RNF150: variants seen among roughly 807,000 people sequenced by gnomAD.
RNF150 encodes ring finger protein 150.
Under a neutral mutation model 39.3 loss-of-function variants are expected in RNF150, and 24 were observed. The observed-to-expected ratio is 0.61, with a 90% CI of 0.44 to 0.86. The LOEUF (loss-of-function observed/expected upper bound fraction) is 0.86. Ranked by LOEUF, RNF150 falls within the 40% of genes least tolerant of loss-of-function variation. RNF150 has a pLI of 0.00. For missense variants in RNF150, 502 were observed against 587.8 expected (o/e 0.85, Z 1.51); for synonymous variants, 255 against 227.3 (o/e 1.12, Z -1.10).
At chr4:140,918,078 A>T (rs900035563) in intron 5 of RNF150, among the ~76,000 whole-genome samples, 3 of 152,158 alleles carry the variant, frequency 2.0e-5, no homozygotes, top group Non-Finnish European at 2.9e-5. Context: ...AAATGCCCAC[A>T]AGAGAAAGCA....
chr4:141,157,223 C>A (rs1185436857), intron 1 of RNF150, among the ~76,000 whole-genome samples: 4 of 152,074 alleles, frequency 2.6e-5, no homozygotes, highest in Admixed American at 1.3e-4. Flanking sequence ...TCTCCCCCCC[C>A]AAAAATGTAG....
At chr4:141,142,244 T>A (rs543342837) in intron 1 of RNF150, among the ~76,000 whole-genome samples, 12 of 152,190 alleles carry the variant, frequency 7.9e-5, no homozygotes, top group Admixed American at 1.3e-4. Context: ...CATCTACTTT[T>A]ACCCCAATGT....
intron 1 of RNF150, among the ~76,000 whole-genome samples, chr4:141,146,615 A>G (rs354941): frequency 0.69 from 105,604 of 152,002 alleles, 38,581 homozygotes; most frequent in East Asian, 0.97. Context: ...CCATAATTGA[A>G]GAGTTTAAAA....
intron 1 of RNF150, among the ~76,000 whole-genome samples, chr4:140,984,816 CCTCA>C (rs939954935): frequency 5.9e-5 from 9 of 152,172 alleles, no homozygotes; most frequent in Non-Finnish European, 1.0e-4. Flanking sequence ...CAGTTTCCTC[CCTCA>C]CTGTGCTAGT....
chr4:140,893,206 C>T (rs1272770016), intron 6 of RNF150, among the ~76,000 whole-genome samples: 1 of 149,520 alleles, frequency 6.7e-6, no homozygotes, highest in South Asian at 2.2e-4. Flanking sequence ...ATATTCCACC[C>T]ATGGATGTTT....
chr4:140,926,453 T>C (rs1230561806), intron 4 of RNF150, among the ~76,000 whole-genome samples: 3 of 152,168 alleles, frequency 2.0e-5, no homozygotes, highest in Admixed American at 1.3e-4. Context: ...ATATGCAGAA[T>C]TTCTTTTCCC....
chr4:140,895,103 C>T (rs1173486922), intron 6 of RNF150, among the ~76,000 whole-genome samples: 1 of 152,150 alleles, frequency 6.6e-6, no homozygotes, highest in African/African-American at 2.4e-5. Flanking sequence ...TCCCAGGTCC[C>T]CTTTGGTTTT....
chr4:141,171,898 G>A (rs1187012729), intron 1 of RNF150, among the ~76,000 whole-genome samples: 1 of 152,180 alleles, frequency 6.6e-6, no homozygotes, highest in Non-Finnish European at 1.5e-5. Flanking sequence ...CATCGTGCCT[G>A]TCATACCTAG....
chr4:140,931,528 G>A (rs6537022), intron 4 of RNF150, among the ~76,000 whole-genome samples: 10,651 of 152,264 alleles, frequency 0.07, 414 homozygotes, highest in Middle Eastern at 0.11. Context: ...CTGGAGTTGA[G>A]TGAAATGCAC....
chr4:141,022,541 T>C (rs1735534529), intron 1 of RNF150, among the ~76,000 whole-genome samples: 1 of 152,126 alleles, frequency 6.6e-6, no homozygotes, highest in South Asian at 2.1e-4. Context: ...AAAGGCAAAA[T>C]ACCATTCAGA....
intron 1 of RNF150, among the ~76,000 whole-genome samples, chr4:141,049,321 AG>A (rs1267820349): frequency 3.3e-5 from 5 of 151,922 alleles, no homozygotes; most frequent in Non-Finnish European, 5.9e-5. Flanking sequence ...AAAAAAAAGG[AG>A]GTGACATACT....
intron 1 of RNF150, among the ~76,000 whole-genome samples, chr4:141,200,942 A>C (rs1173172775): frequency 6.6e-6 from 1 of 152,178 alleles, no homozygotes; most frequent in East Asian, 1.9e-4. Flanking sequence ...CTATTTTACT[A>C]GTTAGGACTC....
chr4:140,932,119 T>TA (rs1169087760), intron 4 of RNF150, among the ~76,000 whole-genome samples: 1 of 152,158 alleles, frequency 6.6e-6, no homozygotes, highest in Non-Finnish European at 1.5e-5. Context: ...AAGTGGTTAT[T>TA]AAAAAATGTG....
intron 1 of RNF150, among the ~76,000 whole-genome samples, chr4:141,015,424 A>C (rs2113982): frequency 0.51 from 77,600 of 152,010 alleles, 22,050 homozygotes; most frequent in Admixed American, 0.64. Flanking sequence ...GTTTTCTTCA[A>C]TTTATTTCAT....
At chr4:140,972,933 T>C (rs1240980394) in intron 1 of RNF150, among the ~76,000 whole-genome samples, 1 of 152,128 alleles carries the variant, frequency 6.6e-6, no homozygotes, top group African/African-American at 2.4e-5. Flanking sequence ...TGAGCCAACA[T>C]TGTAAGAAGT....
At chr4:141,165,974 C>T (rs1406605471) in intron 1 of RNF150, among the ~76,000 whole-genome samples, 2 of 151,966 alleles carry the variant, frequency 1.3e-5, no homozygotes, top group Admixed American at 6.6e-5. Flanking sequence ...GAGACAGAGA[C>T]ATGAAAAACC....
chr4:140,928,862 A>G (rs1185295060), intron 4 of RNF150, among the ~76,000 whole-genome samples: 1 of 152,082 alleles, frequency 6.6e-6, no homozygotes, highest in African/African-American at 2.4e-5. Context: ...CTTTGTTTCT[A>G]TTCCTACATA....
chr4:140,887,901 T>C (rs962531883), intron 6 of RNF150, among the ~76,000 whole-genome samples: 3 of 152,182 alleles, frequency 2.0e-5, no homozygotes, highest in African/African-American at 7.2e-5. Flanking sequence ...CATTATAAGG[T>C]AAACAGCTCA....
At position 140,987,354 on chromosome 4, in the gene RNF150, C is replaced by T. The variant is rs184207328; in HGVS notation, c.485-19481G>A. On this transcript the variant is annotated intron_variant, in intron 1 of 6. Coordinates refer to ENST00000515673, the MANE Select transcript of RNF150 (RefSeq NM_020724.2). ...ACAAAGCTGGAGTCATCACATTACA[C>T]GACTTCAAGCTATACTACAAGGTTA... is the stretch of plus-strand genomic sequence containing the variant. Among the ~76,000 whole-genome samples, 7 of 152,026 alleles carry T rather than the reference C, an allele frequency of 4.6e-5. 1 individual carries two copies. In the South Asian group the frequency reaches 6.2e-4, roughly 14 times the overall value.
Sources: allele counts gnomAD v4.1 joint callset (sites outside exome capture counted in the v4.1 genomes callset), GRCh38; gene constraint gnomAD v4.1.1; transcripts MANE v1.5; gene names NCBI Gene and HGNC (gene_info 2026-07-23, HGNC 2026-07-21).